Variants in PIGQ observed in about 807,000 individuals in gnomAD.
PIGQ encodes the protein phosphatidylinositol glycan anchor biosynthesis class Q, also known as phosphatidylinositol N-acetylglucosaminyltransferase subunit Q.
A neutral mutation model predicts 60.3 loss-of-function variants in PIGQ; 54 were observed. The ratio of observed to expected loss-of-function variants is 0.90; its 90% CI spans 0.72 to 1.12. PIGQ has a LOEUF of 1.12. Ranked by LOEUF, PIGQ falls within the 50% of genes most tolerant of loss-of-function variation. PIGQ has a pLI of 0.00. For missense variants in PIGQ, 799 were observed against 793.5 expected, an observed-to-expected ratio of 1.01 and a Z score of -0.08; for synonymous variants, 416 against 363.7, an observed-to-expected ratio of 1.14 and a Z score of -1.64.
Position 583,217 on chromosome 16 carries a change from G to C in PIGQ, c.*182G>C. The C allele has an allele frequency of 1.9e-6, 3 of 1,613,132 alleles. No homozygotes were observed. The East Asian group carries it at 6.7e-5, about 36-fold the overall frequency. ...AGGTCATTGGGAGTGAGCAGATGTG[G>C]GGGTGGCCAGCCAGGCTGGCCGCAC... is the stretch of plus-strand genomic sequence containing the variant. On this transcript the variant is annotated 3_prime_UTR_variant, in exon 11 of 11. Transcript: ENST00000321878.
Position 583,229 on chromosome 16 carries a change from C to T in PIGQ, c.*194C>T. 1 of 1,613,014 alleles carries T rather than the reference C, an allele frequency of 6.2e-7. No individual in the cohort carries two copies. Among genetic ancestry groups the T allele is most frequent in the Non-Finnish European group, 8.5e-7 (1 of 1,179,978 alleles). On this transcript the variant is annotated 3_prime_UTR_variant, in exon 11 of 11. Coordinates refer to ENST00000321878, the MANE Select transcript of PIGQ (RefSeq NM_004204.5). ...GTGAGCAGATGTGGGGGTGGCCAGC[C>T]AGGCTGGCCGCACTCCATCACTGGC... is the stretch of plus-strand genomic sequence containing the variant.
intron 5 of PIGQ, 51 bp downstream of exon 5, chr16:578,556 G>A (rs760236235): frequency 1.9e-6 from 3 of 1,586,276 alleles, no homozygotes; most frequent in Admixed American, 1.7e-5. Flanking sequence ...TTGCTGAAGA[G>A]GGTAGGGACC....
intron 1 of PIGQ, among the ~76,000 whole-genome samples, chr16:572,859 G>A (rs958378197): frequency 6.6e-6 from 1 of 152,230 alleles, no homozygotes; most frequent in Non-Finnish European, 1.5e-5. Context: ...GTGGGCGCTG[G>A]GACCTCCAGA....
At position 578,823 on chromosome 16, in the gene PIGQ, CT is replaced by C; in HGVS notation, c.1111del (p.Trp371GlyfsTer11). Reference sequence around the variant, plus strand: ...CATGTCCCCCTTCGTGGAGCACATCCTTTGGCACGTGGGCCTCTCGGCCTGC... The same window carrying C: ...CATGTCCCCCTTCGTGGAGCACATCCTTGGCACGTGGGCCTCTCGGCCTGC... ...HLMSPFVEHILWHVGLSACLG... is the reference protein window; with the variant it reads ...HLMSPFVEHIXWHVGLSACLG... On this transcript the variant is annotated frameshift_variant, in exon 6 of 11. Coordinates refer to ENST00000321878, the MANE Select transcript of PIGQ (RefSeq NM_004204.5). LOFTEE classifies it high-confidence loss of function. 1 of 1,613,816 alleles carries C rather than the reference CT, an allele frequency of 6.2e-7. No homozygotes were observed. The highest frequency in any genetic ancestry group is 8.5e-7 in the Non-Finnish European group (1 of 1,179,958).
Position 583,268 on chromosome 16 carries a change from G to A in PIGQ, c.*233G>A. 1 of 1,612,910 alleles carries A rather than the reference G, an allele frequency of 6.2e-7. No homozygotes were observed. The highest frequency in any genetic ancestry group is 8.5e-7 in the Non-Finnish European group (1 of 1,179,962). On this transcript the variant is annotated 3_prime_UTR_variant, in exon 11 of 11. Coordinates refer to ENST00000321878, the MANE Select transcript of PIGQ (RefSeq NM_004204.5). Reference sequence around the variant, plus strand: ...TCCATCACTGGCACTGCCTGCCTTGGGACCCGCTTCCCACCTGCTGCGGTC... The same window carrying A: ...TCCATCACTGGCACTGCCTGCCTTGAGACCCGCTTCCCACCTGCTGCGGTC...
intron 8 of PIGQ, chr16:580,650 C>G (rs1232823850): frequency 1.7e-6 from 1 of 594,582 alleles, no homozygotes; most frequent in Non-Finnish European, 3.0e-6. Context: ...CACCTCTGAC[C>G]TGGTGAGAGG....
chr16:583,883 G>T lies in PIGQ; in HGVS notation c.*848G>T. The stretch of plus-strand genomic sequence containing the variant: ...GGGAGGGGGCCGTGGCACTGAGGCC[G>T]AAAGTGCCTGCCAGACGGCACGGTC... On this transcript the variant is annotated 3_prime_UTR_variant, in exon 11 of 11. Coordinates refer to ENST00000321878, the MANE Select transcript of PIGQ (RefSeq NM_004204.5). 1 of 573,294 alleles carries T rather than the reference G, an allele frequency of 1.7e-6. No homozygotes were observed. 35.5% of individuals were successfully genotyped at this position (573,294 alleles called of 1,614,324 possible).
At chr16:579,403 C>A (rs570958174) in intron 7 of PIGQ, 3 of 574,936 alleles carry the variant, frequency 5.2e-6, no homozygotes, top group East Asian at 5.9e-5. Flanking sequence ...GACACACAGC[C>A]CCGAAGGTGG....
At chr16:571,229 CTGTG>C (rs57285833) in intron 1 of PIGQ, among the ~76,000 whole-genome samples, 83 of 4,362 alleles carry the variant, frequency 0.019, 3 homozygotes, top group Middle Eastern at 0.12. Context: ...TCTGGTTAGC[CTGTG>C]TGTGTGTGTG....
chr16:577,453 T>C (rs2151046438), intron 4 of PIGQ, among the ~76,000 whole-genome samples: 1 of 151,954 alleles, frequency 6.6e-6, no homozygotes, highest in South Asian at 2.1e-4. Context: ...GGTGGGCACC[T>C]GTAGTCCCAG....
intron 1 of PIGQ, chr16:572,698 C>G: frequency 2.2e-6 from 1 of 456,030 alleles, no homozygotes; most frequent in Non-Finnish European, 4.4e-6. Flanking sequence ...GCACTGGGAC[C>G]TCCAGGCGTC....
intron 1 of PIGQ, among the ~76,000 whole-genome samples, chr16:571,038 C>A (rs919254232): frequency 1.2e-5 from 1 of 85,128 alleles, no homozygotes; most frequent in Non-Finnish European, 2.6e-5. Context: ...GCCTGGCGCC[C>A]GTGTGTGTGT....
chr16:575,253 C>T (rs970736634), intron 2 of PIGQ, among the ~76,000 whole-genome samples: 4 of 152,228 alleles, frequency 2.6e-5, no homozygotes, highest in African/African-American at 9.6e-5. Context: ...TGCTTCTCTC[C>T]ACAATCACAG....
intron 7 of PIGQ, 83 bp downstream of exon 7, chr16:579,263 A>G (rs2035774546): frequency 9.1e-6 from 10 of 1,104,062 alleles, no homozygotes; most frequent in Admixed American, 5.6e-5. Context: ...GGGCACCACA[A>G]GGGGGCAGCC....
chr16:580,292 G>A (rs750403092), intron 8 of PIGQ, 29 bp downstream of exon 8: 3 of 1,541,932 alleles, frequency 1.9e-6, no homozygotes, highest in Admixed American at 1.7e-5. Flanking sequence ...GGCTGGGCCT[G>A]GCTGCAGTGC....
At chr16:577,183 A>G (rs1358421426) in intron 4 of PIGQ, 1 of 152,212 alleles carries the variant, frequency 6.6e-6, no homozygotes, top group Non-Finnish European at 1.5e-5. Context: ...CCCTTTTGCA[A>G]AAGTGCTCAG....
chr16:580,831 C>A lies in PIGQ; in HGVS notation c.1417-27C>A, dbSNP rs749883310. 5.8e-6 allele frequency: 6 copies of A among 1,041,238 alleles called. No homozygotes were observed. The South Asian group carries it at 6.3e-5, about 11-fold the overall frequency. The allele number at this position is 1,041,238 out of a possible 1,614,324, so 64.5% of individuals were successfully genotyped here. On this transcript the variant is annotated intron_variant, in intron 8 of 10. Transcript: ENST00000321878. ...CTGCCCCCAGGCGCGTCTGGCCGGG[C>A]CGGTCCTAAATGCTCCTCTGCCACA... is the stretch of plus-strand genomic sequence containing the variant.
At chr16:580,354 C>A in intron 8 of PIGQ, 91 bp downstream of exon 8, 1 of 1,004,512 alleles carries the variant, frequency 1.0e-6, no homozygotes, top group Non-Finnish European at 1.5e-6. Flanking sequence ...GTGGGGCGGG[C>A]TGTCTCCTGC....
chr16:573,715 G>A (rs867797238), intron 1 of PIGQ, among the ~76,000 whole-genome samples: 1 of 152,278 alleles, frequency 6.6e-6, no homozygotes, highest in Non-Finnish European at 1.5e-5. Flanking sequence ...CCTGGAGTTC[G>A]GTTCGGCCCC....
Sources: gnomAD v4.1 joint callset for allele counts (sites outside exome capture counted in the v4.1 genomes callset) on GRCh38, gnomAD v4.1.1 for gene constraint, MANE v1.5 for transcripts, NCBI Gene and HGNC (gene_info 2026-07-23, HGNC 2026-07-21) for gene names.